The following FAM114A1 variants were observed in gnomAD, a reference collection of about 807,000 sequenced individuals.
The protein encoded by FAM114A1 is protein NOXP20.
Under a neutral mutation model 64.3 loss-of-function variants are expected in FAM114A1, and 62 were observed. That is an observed-to-expected ratio of 0.96 (90% CI 0.79 to 1.19). FAM114A1 has a LOEUF of 1.19. Ranked by LOEUF, FAM114A1 falls within the 50% of genes most tolerant of loss-of-function variation. The pLI is 0.00. For synonymous variants in FAM114A1, 254 were observed against 251.1 expected (o/e 1.01, Z -0.11); for missense variants, 645 against 676.3 (o/e 0.95, Z 0.51).
In FAM114A1 at chr4:38,945,016, A is replaced by G. The variant is rs1213306636; in HGVS notation, c.*1459A>G. On this transcript the variant is annotated 3_prime_UTR_variant, in exon 15 of 15. Transcript: ENST00000358869. ...TGCATTTTCCTATACTCTTTACACTATTTTATCCCAAACTATGTATATGAG... is the reference window on the plus strand; with the variant it reads ...TGCATTTTCCTATACTCTTTACACTGTTTTATCCCAAACTATGTATATGAG... 6.6e-6 allele frequency: 1 copy of G among 152,162 alleles called. No homozygotes were observed. The highest frequency in any genetic ancestry group is 1.5e-5 in the Non-Finnish European group (1 of 68,026). The allele number at this position is 152,162 out of a possible 1,614,324, so 9.4% of individuals were successfully genotyped here.
chr4:38,903,815 G>A (rs1717735063), intron 4 of FAM114A1, among the ~76,000 whole-genome samples: 1 of 152,130 alleles, frequency 6.6e-6, no homozygotes, highest in Non-Finnish European at 1.5e-5. Context: ...ATTTCTATAT[G>A]TGATTACAGT....
chr4:38,917,185 T>TAAATAAATAAAA (rs952530167), intron 8 of FAM114A1, among the ~76,000 whole-genome samples: 93 of 148,898 alleles, frequency 6.2e-4, no homozygotes, highest in South Asian at 4.0e-3. Context: ...AATAAATAAA[T>TAAATAAATAAAA]AAAAAAGCTG....
rs971472753 is a variant in FAM114A1 at position 38,943,437 on chromosome 4, C to T, written c.1591-19C>T. ...AACTATGAAAATAACCCTTCAACCTCATTTTTCTCCTCTCACAGGGCTGCA... is the reference window on the plus strand; with the variant it reads ...AACTATGAAAATAACCCTTCAACCTTATTTTTCTCCTCTCACAGGGCTGCA... On this transcript the variant is annotated intron_variant, in intron 14 of 14. Coordinates refer to ENST00000358869, the MANE Select transcript of FAM114A1 (RefSeq NM_138389.4). 14 of 1,608,796 alleles carry T rather than the reference C, an allele frequency of 8.7e-6. No homozygotes were observed. The highest frequency in any genetic ancestry group is 1.2e-5 in the Non-Finnish European group (14 of 1,175,436).
chr4:38,936,925 G>A (rs1721162103), intron 13 of FAM114A1, among the ~76,000 whole-genome samples: 1 of 152,192 alleles, frequency 6.6e-6, no homozygotes, highest in East Asian at 1.9e-4. Context: ...ATTGGCTCAA[G>A]TGTTTCTATT....
At chr4:38,894,483 G>T (rs998364405) in intron 4 of FAM114A1, among the ~76,000 whole-genome samples, 1 of 152,036 alleles carries the variant, frequency 6.6e-6, no homozygotes, top group Non-Finnish European at 1.5e-5. Flanking sequence ...ATAATATCCC[G>T]CTTTTTAAGT....
chr4:38,912,279 A>G (rs1033154711), intron 7 of FAM114A1, among the ~76,000 whole-genome samples: 1 of 152,080 alleles, frequency 6.6e-6, no homozygotes, highest in Non-Finnish European at 1.5e-5. Context: ...ATTCCCTGCT[A>G]TTGAAACCCA....
chr4:38,939,890 T>C (rs965310698), intron 13 of FAM114A1, among the ~76,000 whole-genome samples: 4 of 119,236 alleles, frequency 3.4e-5, no homozygotes, highest in Non-Finnish European at 4.0e-5. Flanking sequence ...TTCTTTCTTT[T>C]TTTTTTTTTT....
intron 6 of FAM114A1, among the ~76,000 whole-genome samples, chr4:38,906,326 GTTC>G (rs1717998953): frequency 6.6e-6 from 1 of 152,000 alleles, no homozygotes; most frequent in Non-Finnish European, 1.5e-5. Flanking sequence ...AGAGACCAGC[GTTC>G]TTCCCCCATC....
chr4:38,901,815 A>C (rs1717552782), intron 4 of FAM114A1, among the ~76,000 whole-genome samples: 1 of 152,228 alleles, frequency 6.6e-6, no homozygotes, highest in Non-Finnish European at 1.5e-5. Context: ...CAGCCTGCAC[A>C]GCACAGGGAT....
At chr4:38,889,102 C>T (rs1358560701) in intron 3 of FAM114A1, among the ~76,000 whole-genome samples, 1 of 152,076 alleles carries the variant, frequency 6.6e-6, no homozygotes, top group East Asian at 1.9e-4. Flanking sequence ...CATTTATTTC[C>T]ATTTGCTAGT....
intron 4 of FAM114A1, among the ~76,000 whole-genome samples, chr4:38,898,010 C>T (rs1717114898): frequency 6.6e-6 from 1 of 151,650 alleles, no homozygotes. Context: ...CCCACAGGAT[C>T]TTATAGACCT....
chr4:38,870,240 A>G (rs752912712), intron 2 of FAM114A1, among the ~76,000 whole-genome samples: 5 of 152,222 alleles, frequency 3.3e-5, no homozygotes, highest in Non-Finnish European at 7.3e-5. Context: ...ACTACAGTCC[A>G]TCGCTGATGC....
At chr4:38,942,347 G>A (rs750528206) in intron 14 of FAM114A1, among the ~76,000 whole-genome samples, 2 of 152,082 alleles carry the variant, frequency 1.3e-5, no homozygotes, top group Non-Finnish European at 2.9e-5. Context: ...TTTAGGATGC[G>A]GCCGCACAGT....
At chr4:38,915,106 C>A in intron 8 of FAM114A1, 33 bp downstream of exon 8, 1 of 1,607,660 alleles carries the variant, frequency 6.2e-7, no homozygotes, top group Non-Finnish European at 8.5e-7. Flanking sequence ...AAATGGCATG[C>A]TTAGTCATGT....
At chr4:38,873,834 C>T (rs893491339) in intron 2 of FAM114A1, among the ~76,000 whole-genome samples, 1 of 152,052 alleles carries the variant, frequency 6.6e-6, no homozygotes, top group African/African-American at 2.4e-5. Flanking sequence ...CTAGCTGAAG[C>T]ATGTGGCCTC....
intron 3 of FAM114A1, among the ~76,000 whole-genome samples, chr4:38,890,236 C>G (rs1716198206): frequency 6.6e-6 from 1 of 151,964 alleles, no homozygotes. Flanking sequence ...AACCTCGTCT[C>G]TACTAAAATA....
chr4:38,910,431 G>A (rs1193044058), intron 7 of FAM114A1, among the ~76,000 whole-genome samples: 1 of 152,186 alleles, frequency 6.6e-6, no homozygotes, highest in African/African-American at 2.4e-5. Flanking sequence ...CTCATGGCTA[G>A]CACACTTCTG....
chr4:38,938,743 T>G (rs1449079573), intron 13 of FAM114A1: 1 of 152,052 alleles, frequency 6.6e-6, no homozygotes, highest in East Asian at 1.9e-4. Context: ...CCTAGAGGGG[T>G]GAATTGATTC....
At chr4:38,903,538 C>T (rs1717704234) in intron 4 of FAM114A1, among the ~76,000 whole-genome samples, 2 of 152,072 alleles carry the variant, frequency 1.3e-5, no homozygotes, top group Admixed American at 1.3e-4. Context: ...GATTTGGAGG[C>T]ACATTATTTC....
Sources: gnomAD v4.1 joint callset for allele counts (sites outside exome capture counted in the v4.1 genomes callset) on GRCh38, gnomAD v4.1.1 for gene constraint, MANE v1.5 for transcripts, NCBI Gene and HGNC (gene_info 2026-07-23, HGNC 2026-07-21) for gene names.